TFDP2: variants seen among roughly 807,000 people sequenced by gnomAD.
TFDP2 encodes the protein transcription factor Dp-2 (E2F dimerization partner 2).
Under a neutral mutation model 59.3 loss-of-function variants are expected in TFDP2, and 17 were observed. That is an observed-to-expected ratio of 0.29 (90% CI 0.20 to 0.43). The LOEUF (loss-of-function observed/expected upper bound fraction) is 0.43. Among genes scored for constraint, TFDP2 ranks in the 20% least tolerant of loss-of-function variants. The pLI is 1.00. For synonymous variants in TFDP2, 180 were observed against 194.7 expected (o/e 0.92, Z 0.63); for missense variants, 391 against 528.8 (o/e 0.74, Z 2.56).
At chr3:142,047,870 T>C (rs1206009461) in intron 3 of TFDP2, among the ~76,000 whole-genome samples, 1 of 151,706 alleles carries the variant, frequency 6.6e-6, no homozygotes, top group African/African-American at 2.4e-5. Flanking sequence ...GCCTGCCAAG[T>C]AGCTGGGATT....
In TFDP2 at chr3:141,952,524, A is replaced by G; in HGVS notation, c.1330T>C (p.Ser444Pro). Residue 444 changes from serine (S) to proline (P), a missense_variant, in exon 13 of 13, where the codon TCC becomes CCC. Physicochemically the swap from Ser to Pro is moderately conservative, Grantham distance 74. Coordinates refer to ENST00000489671, the MANE Select transcript of TFDP2 (RefSeq NM_001178139.2). Reference protein sequence around the residue: ...DEEDDEEDSSSPE With the variant: ...DEEDDEEDSSPPE ...GCTTTCTCTTGTCTTTATTCTGGGGAGGAGGAATCCTCCTCATCATCTTCC... is the reference window on the plus strand; with the variant it reads ...GCTTTCTCTTGTCTTTATTCTGGGGGGGAGGAATCCTCCTCATCATCTTCC... 2 of 1,541,490 alleles carry G rather than the reference A, an allele frequency of 1.3e-6. No homozygotes were observed. The highest frequency in any genetic ancestry group is 1.3e-5 in the South Asian group (1 of 77,484).
chr3:141,968,307 A>C (rs1938495139), intron 9 of TFDP2, among the ~76,000 whole-genome samples: 1 of 119,006 alleles, frequency 8.4e-6, no homozygotes, highest in Non-Finnish European at 1.7e-5. Context: ...TATATAATAT[A>C]TATAACTATA....
chr3:142,076,481 T>A (rs1484165104), intron 3 of TFDP2, among the ~76,000 whole-genome samples: 1 of 151,776 alleles, frequency 6.6e-6, no homozygotes, highest in Non-Finnish European at 1.5e-5. Context: ...CAGCTATAAA[T>A]AAAATGGAAG....
intron 6 of TFDP2, among the ~76,000 whole-genome samples, chr3:141,989,889 TA>T (rs1293066123): frequency 6.7e-6 from 1 of 149,892 alleles, no homozygotes; most frequent in African/African-American, 2.4e-5. Flanking sequence ...ATAATAATAA[TA>T]ATAATTATTA....
chr3:142,002,317 GT>G (rs750047190), intron 4 of TFDP2, among the ~76,000 whole-genome samples: 2,056 of 106,814 alleles, frequency 0.019, 7 homozygotes, highest in Non-Finnish European at 0.026. Flanking sequence ...TATTTTTAGT[GT>G]TTTTTTTTTT....
intron 3 of TFDP2, among the ~76,000 whole-genome samples, chr3:142,084,651 A>T (rs532197820): frequency 2.2e-4 from 34 of 152,302 alleles, no homozygotes; most frequent in South Asian, 6.2e-4. Flanking sequence ...CATTAAAAAA[A>T]ATGAGATCCT....
chr3:142,047,923 G>C (rs1430587548), intron 3 of TFDP2, among the ~76,000 whole-genome samples: 1 of 151,788 alleles, frequency 6.6e-6, no homozygotes, highest in East Asian at 1.9e-4. Context: ...TGTATTTTTA[G>C]TAGAGACGCG....
intron 2 of TFDP2, among the ~76,000 whole-genome samples, 188 bp downstream of exon 2, chr3:142,101,547 T>C (rs2061320055): frequency 6.6e-6 from 1 of 152,136 alleles, no homozygotes; most frequent in African/African-American, 2.4e-5. Context: ...AATGCTACTA[T>C]CTCCATTAGG....
At chr3:142,131,663 T>C (rs2062506143) in intron 1 of TFDP2, among the ~76,000 whole-genome samples, 1 of 150,020 alleles carries the variant, frequency 6.7e-6, no homozygotes, top group South Asian at 2.1e-4. Flanking sequence ...AAAGAATACT[T>C]AGTAATAAAT....
intron 3 of TFDP2, among the ~76,000 whole-genome samples, chr3:142,009,603 T>C (rs1944484305): frequency 6.6e-6 from 1 of 151,538 alleles, no homozygotes; most frequent in South Asian, 2.1e-4. Flanking sequence ...TCCCAGCTAC[T>C]TGGGAGGCTG....
In TFDP2 at chr3:141,978,543, T is replaced by C. The variant is rs534991564; in HGVS notation, c.496A>G (p.Asn166Asp). 46 of 1,609,514 alleles carry C rather than the reference T, an allele frequency of 2.9e-5. No homozygotes were observed. Among genetic ancestry groups the C allele is most frequent in the Admixed American group, 5.1e-5 (3 of 58,878 alleles). The change falls in exon 7 of 13, where the codon AAT becomes GAT. Residue 166 changes from asparagine (N) to aspartate (D), a missense_variant. By Grantham distance (23) the Asn-to-Asp change is conservative (BLOSUM62 1). Coordinates refer to ENST00000489671, the MANE Select transcript of TFDP2 (RefSeq NM_001178139.2). ...ACCGAATCAGCAGCCAAATGGTTAT[T>C]TGAATTGGTGAACTCTGACACCAGC... Reference protein sequence around the residue: ...DELVSEFTNSNNHLAADSAYD... With the variant: ...DELVSEFTNSDNHLAADSAYD...
intron 1 of TFDP2, among the ~76,000 whole-genome samples, chr3:142,128,676 A>G (rs2062370709): frequency 6.6e-6 from 1 of 152,050 alleles, no homozygotes; most frequent in Non-Finnish European, 1.5e-5. Context: ...AAAAAAGAGA[A>G]GGAAGGAAAA....
chr3:142,011,164 A>G (rs1944644753), intron 3 of TFDP2, among the ~76,000 whole-genome samples: 1 of 30,570 alleles, frequency 3.3e-5, no homozygotes, highest in Non-Finnish European at 6.2e-5. Context: ...GGCATTATTC[A>G]CAATAGCAAA....
intron 1 of TFDP2, among the ~76,000 whole-genome samples, chr3:142,124,484 T>A (rs2062163000): frequency 6.6e-6 from 1 of 152,148 alleles, no homozygotes; most frequent in Non-Finnish European, 1.5e-5. Flanking sequence ...GGTGAATTAT[T>A]TCAATAAAGA....
intron 1 of TFDP2, among the ~76,000 whole-genome samples, chr3:142,119,345 A>T (rs573915425): frequency 2.0e-5 from 3 of 152,240 alleles, no homozygotes; most frequent in African/African-American, 4.8e-5. Flanking sequence ...ATTATTTACA[A>T]AAGCAAAGGA....
intron 1 of TFDP2, among the ~76,000 whole-genome samples, chr3:142,106,258 T>C (rs1278963142): frequency 6.6e-6 from 1 of 152,218 alleles, no homozygotes; most frequent in African/African-American, 2.4e-5. Flanking sequence ...AGAAAGACTG[T>C]AATCACCAAA....
chr3:142,051,539 T>C, intron 3 of TFDP2, among the ~76,000 whole-genome samples: 1 of 147,694 alleles, frequency 6.8e-6, no homozygotes, highest in Non-Finnish European at 1.5e-5. Context: ...AAAAAAACCG[T>C]CTCCAGATAT....
At chr3:142,000,000 G>C (rs1943627616) in intron 4 of TFDP2, among the ~76,000 whole-genome samples, 1 of 152,154 alleles carries the variant, frequency 6.6e-6, no homozygotes, top group Non-Finnish European at 1.5e-5. Flanking sequence ...CTCCCAAAGT[G>C]CTGGGATTAC....
intron 3 of TFDP2, among the ~76,000 whole-genome samples, chr3:142,017,657 A>C (rs573150016): frequency 1.4e-5 from 2 of 139,088 alleles, no homozygotes; most frequent in South Asian, 4.4e-4. Context: ...GGTTCATGCG[A>C]TTCTCCTGTC....
Sources: allele counts gnomAD v4.1 joint callset (sites outside exome capture counted in the v4.1 genomes callset), GRCh38; gene constraint gnomAD v4.1.1; transcripts MANE v1.5; gene names NCBI Gene and HGNC (gene_info 2026-07-23, HGNC 2026-07-21).